Variants in LIN52 observed in about 807,000 individuals in gnomAD.
LIN52 encodes protein lin-52 homolog.
Under a neutral mutation model 18.5 loss-of-function variants are expected in LIN52, and 4 were observed. That is an observed-to-expected ratio of 0.22 (90% CI 0.11 to 0.49). The LOEUF (loss-of-function observed/expected upper bound fraction) is 0.49. Ranked by LOEUF, LIN52 falls within the 20% of genes least tolerant of loss-of-function variation. LIN52 has a pLI of 0.97. For missense variants in LIN52, 102 were observed against 139.5 expected, an observed-to-expected ratio of 0.73 and a Z score of 1.35; for synonymous variants, 34 against 45.5, an observed-to-expected ratio of 0.75 and a Z score of 1.02.
At chr14:74,126,789 A>G (rs2061032247) in intron 5 of LIN52, among the ~76,000 whole-genome samples, 1 of 152,212 alleles carries the variant, frequency 6.6e-6, no homozygotes, top group Non-Finnish European at 1.5e-5. Flanking sequence ...GGGGAAGGTG[A>G]AAATGTTTTG....
intron 5 of LIN52, among the ~76,000 whole-genome samples, chr14:74,138,928 A>G (rs2061113584): frequency 7.3e-6 from 1 of 137,570 alleles, no homozygotes; most frequent in African/African-American, 2.8e-5. Context: ...GGCTTACACA[A>G]GGTAGCATTT....
chr14:74,143,882 A>G (rs1300842067), intron 5 of LIN52, among the ~76,000 whole-genome samples: 1 of 152,110 alleles, frequency 6.6e-6, no homozygotes, highest in African/African-American at 2.4e-5. Flanking sequence ...GAACTCCTGT[A>G]TAATTGTAAT....
chr14:74,106,083 C>T (rs1432512873), intron 5 of LIN52, among the ~76,000 whole-genome samples: 1 of 152,072 alleles, frequency 6.6e-6, no homozygotes, highest in East Asian at 1.9e-4. Flanking sequence ...TATGAAATTC[C>T]CTTGAAATAT....
At chr14:74,158,963 C>T (rs1441122722) in intron 5 of LIN52, among the ~76,000 whole-genome samples, 2 of 152,222 alleles carry the variant, frequency 1.3e-5, no homozygotes, top group East Asian at 3.9e-4. Context: ...TTATAATTTT[C>T]CTCCCAGGTC....
rs1238988000 is a variant in LIN52, at chr14:74,200,606, A to G, written c.*1629A>G. On this transcript the variant is annotated 3_prime_UTR_variant, in exon 6 of 6. Coordinates refer to ENST00000555028, the MANE Select transcript of LIN52 (RefSeq NM_001024674.3). Reference sequence around the variant, plus strand: ...GTTCTCATGCTAGAATTAATGCTGGATTTTTCTCTCATTTGACCATCAATG... The same window carrying G: ...GTTCTCATGCTAGAATTAATGCTGGGTTTTTCTCTCATTTGACCATCAATG... The G allele has an allele frequency of 6.6e-6, 1 of 151,932 alleles. No homozygotes were observed. Among genetic ancestry groups the G allele is most frequent in the Non-Finnish European group, 1.5e-5 (1 of 67,984 alleles). 9.4% of individuals were successfully genotyped at this position (151,932 alleles called of 1,614,324 possible).
At chr14:74,094,879 C>T (rs1008055473) in intron 2 of LIN52, among the ~76,000 whole-genome samples, 3 of 151,364 alleles carry the variant, frequency 2.0e-5, no homozygotes, top group African/African-American at 4.9e-5. Context: ...AGGCACATGC[C>T]GCCACACCCA....
At chr14:74,158,674 C>T (rs1389151270) in intron 5 of LIN52, among the ~76,000 whole-genome samples, 1 of 152,040 alleles carries the variant, frequency 6.6e-6, no homozygotes, top group Non-Finnish European at 1.5e-5. Context: ...GATGGGGTTT[C>T]TCCATGTTGG....
At chr14:74,134,652 T>C (rs2061087607) in intron 5 of LIN52, among the ~76,000 whole-genome samples, 2 of 152,190 alleles carry the variant, frequency 1.3e-5, no homozygotes, top group African/African-American at 4.8e-5. Flanking sequence ...TTTCCTTTTC[T>C]TAGAATTAAA....
Position 74,198,425 on chromosome 14 carries a change from G to C in LIN52, c.284-497G>C, listed in dbSNP as rs141005153. ...ACCATCCACAGATGAACTGCACTGA[G>C]GGAATATAAACCCTGTTATATTACA... On this transcript the variant is annotated intron_variant, in intron 5 of 5. Coordinates refer to ENST00000555028, the MANE Select transcript of LIN52 (RefSeq NM_001024674.3). Among the ~76,000 whole-genome samples the C allele has an allele frequency of 5.3e-5, 8 of 152,266 alleles. No homozygotes were observed. The East Asian group carries it at 1.3e-3, about 26-fold the overall frequency.
At chr14:74,120,687 G>A (rs12883978) in intron 5 of LIN52, among the ~76,000 whole-genome samples, 4 of 151,512 alleles carry the variant, frequency 2.6e-5, no homozygotes, top group Non-Finnish European at 4.4e-5. Context: ...CCTGGGAGGC[G>A]GAGGTTTCAG....
intron 1 of LIN52, among the ~76,000 whole-genome samples, chr14:74,089,794 G>C (rs1396003386): frequency 7.0e-6 from 1 of 142,224 alleles, no homozygotes; most frequent in African/African-American, 2.7e-5. Flanking sequence ...TACAGATGAA[G>C]ATAAAAGTCC....
At chr14:74,104,811 G>A (rs1214249289) in intron 5 of LIN52, among the ~76,000 whole-genome samples, 3 of 151,838 alleles carry the variant, frequency 2.0e-5, no homozygotes, top group Admixed American at 1.3e-4. Context: ...CAAATGACTA[G>A]GCTTAACAAA....
intron 5 of LIN52, among the ~76,000 whole-genome samples, chr14:74,188,363 G>A (rs1413533461): frequency 1.3e-5 from 2 of 151,944 alleles, no homozygotes; most frequent in Non-Finnish European, 2.9e-5. Flanking sequence ...AATAATACCC[G>A]CTCACAGCCC....
intron 4 of LIN52, among the ~76,000 whole-genome samples, chr14:74,099,642 TACTC>T (rs2060840168): frequency 6.6e-6 from 1 of 151,994 alleles, no homozygotes; most frequent in Admixed American, 6.6e-5. Flanking sequence ...TTTTTTTTAT[TACTC>T]AGTCTCCCCG....
intron 5 of LIN52, among the ~76,000 whole-genome samples, chr14:74,196,794 A>G (rs1203098698): frequency 6.6e-6 from 1 of 152,138 alleles, no homozygotes; most frequent in African/African-American, 2.4e-5. Context: ...GCACTATACC[A>G]AGCATGTTCA....
At chr14:74,136,209 C>T (rs2061096974) in intron 5 of LIN52, among the ~76,000 whole-genome samples, 1 of 152,134 alleles carries the variant, frequency 6.6e-6, no homozygotes, top group Non-Finnish European at 1.5e-5. Flanking sequence ...TCAGTGAATG[C>T]GCAAGTTGAA....
chr14:74,099,586 T>TTGTGTGTG (rs148601338), intron 4 of LIN52, among the ~76,000 whole-genome samples: 27,448 of 149,330 alleles, frequency 0.18, 2,626 homozygotes, highest in South Asian at 0.4. Context: ...AGTATTGTCT[T>TTGTGTGTG]TGTGTGTGTG....
rs143833627 is a variant in LIN52, at chr14:74,144,492, T to C, written c.283+43254T>C. Among the ~76,000 whole-genome samples, 13 of 152,286 alleles carry C rather than the reference T, an allele frequency of 8.5e-5. No individual in the cohort carries two copies. In the East Asian group the frequency reaches 2.5e-3, roughly 29 times the overall value. ...TAGGAAGAATGCAGCAAAAAGATTC[T>C]TTTTCTGGTATTCTCAACATCTGAG... On this transcript the variant is annotated intron_variant, in intron 5 of 5. Transcript: ENST00000555028.
chr14:74,151,292 A>G (rs569145084), intron 5 of LIN52, among the ~76,000 whole-genome samples: 5 of 152,354 alleles, frequency 3.3e-5, no homozygotes, highest in South Asian at 2.1e-4. Context: ...GAATGAAGCA[A>G]TAATAACCAC....
Sources: gnomAD v4.1 joint callset for allele counts (sites outside exome capture counted in the v4.1 genomes callset) on GRCh38, gnomAD v4.1.1 for gene constraint, MANE v1.5 for transcripts, NCBI Gene and HGNC (gene_info 2026-07-23, HGNC 2026-07-21) for gene names.